The following MCC variants were observed in gnomAD, a reference collection of about 807,000 sequenced individuals.
MCC encodes MCC regulator of Wnt signaling pathway, also known as colorectal mutant cancer protein.
Under a neutral mutation model 116.2 loss-of-function variants are expected in MCC, and 90 were observed. The observed-to-expected ratio is 0.77, with a 90% CI of 0.65 to 0.92. The LOEUF is 0.92. Ranked by LOEUF, MCC falls within the 40% of genes least tolerant of loss-of-function variation. The pLI, the probability that MCC is intolerant of heterozygous loss-of-function variation, is 0.00. For synonymous variants in MCC, 578 were observed against 510.5 expected (o/e 1.13, Z -1.78); for missense variants, 1,516 against 1,312.2 (o/e 1.16, Z -2.40).
At chr5:113,295,723 A>C (rs1766692009) in intron 3 of MCC, among the ~76,000 whole-genome samples, 1 of 152,200 alleles carries the variant, frequency 6.6e-6, no homozygotes, top group Non-Finnish European at 1.5e-5. Flanking sequence ...GAGAGAGATG[A>C]GATGGGGGAA....
intron 1 of MCC, among the ~76,000 whole-genome samples, chr5:113,413,926 T>A (rs1770066670): frequency 6.6e-6 from 1 of 152,226 alleles, no homozygotes; most frequent in African/African-American, 2.4e-5. Flanking sequence ...TAAATTTCCC[T>A]CTACACACTG....
chr5:113,237,548 T>C (rs1764179032), intron 3 of MCC, among the ~76,000 whole-genome samples: 1 of 152,188 alleles, frequency 6.6e-6, no homozygotes, highest in Non-Finnish European at 1.5e-5. Flanking sequence ...ATCTTATTTC[T>C]GCCAAGAAGG....
At chr5:113,125,349 T>G (rs1020850411) in intron 5 of MCC, among the ~76,000 whole-genome samples, 2 of 152,112 alleles carry the variant, frequency 1.3e-5, no homozygotes, top group African/African-American at 4.8e-5. Flanking sequence ...AAACGACACA[T>G]GGCAACAAAG....
At chr5:113,172,961 C>T (rs1242807429) in intron 3 of MCC, among the ~76,000 whole-genome samples, 2 of 152,024 alleles carry the variant, frequency 1.3e-5, no homozygotes, top group Non-Finnish European at 2.9e-5. Context: ...ATCTACTGGA[C>T]ACATGAATTT....
chr5:113,463,254 A>C (rs978437842), intron 1 of MCC, among the ~76,000 whole-genome samples: 5 of 152,172 alleles, frequency 3.3e-5, no homozygotes, highest in African/African-American at 1.2e-4. Flanking sequence ...ATTATGACTC[A>C]CTTGAAGGGT....
chr5:113,475,083 T>A (rs1772202886), intron 1 of MCC, among the ~76,000 whole-genome samples: 1 of 152,220 alleles, frequency 6.6e-6, no homozygotes, highest in South Asian at 2.1e-4. Context: ...TCTCACTTCC[T>A]TCATTTATAC....
At chr5:113,132,592 T>C (rs1758530221) in intron 5 of MCC, among the ~76,000 whole-genome samples, 1 of 152,120 alleles carries the variant, frequency 6.6e-6, no homozygotes, top group Non-Finnish European at 1.5e-5. Flanking sequence ...ATCCATATTT[T>C]ATTTGTTTGG....
At position 113,358,601 on chromosome 5, in the gene MCC, C is replaced by T; in HGVS notation, c.416-17871G>A. On this transcript the variant is annotated intron_variant, in intron 2 of 18. Transcript: ENST00000408903. ...ATGTGGGTTCTTTAGAGTACATTGCCTAATTTATTACCCTCCATGTCAAGA... is the reference window on the plus strand; with the variant it reads ...ATGTGGGTTCTTTAGAGTACATTGCTTAATTTATTACCCTCCATGTCAAGA... 1.3e-5 allele frequency among the ~76,000 whole-genome samples: 2 copies of T among 152,114 alleles called. 1 individual carries two copies. Among genetic ancestry groups the T allele is most frequent in the South Asian group, 4.1e-4 (2 of 4,830 alleles).
chr5:113,295,132 T>G (rs1581379691), intron 3 of MCC, among the ~76,000 whole-genome samples: 2 of 137,572 alleles, frequency 1.5e-5, no homozygotes, highest in African/African-American at 2.8e-5. Flanking sequence ...GGAGGGGGAG[T>G]AGAAACAGGA....
chr5:113,321,945 C>A (rs1767431932), intron 3 of MCC, among the ~76,000 whole-genome samples: 1 of 152,192 alleles, frequency 6.6e-6, no homozygotes, highest in South Asian at 2.1e-4. Context: ...AATTCTCCTG[C>A]CTCAGCCTCC....
chr5:113,081,744 C>T (rs1315868520), intron 11 of MCC, among the ~76,000 whole-genome samples: 1 of 147,704 alleles, frequency 6.8e-6, no homozygotes, highest in African/African-American at 2.5e-5. Flanking sequence ...AATAAGGAAA[C>T]CATTTAATTT....
rs563009213 is a variant in MCC, at chr5:113,259,386, C to T, written c.627+81133G>A. On this transcript the variant is annotated intron_variant, in intron 3 of 18. Coordinates refer to ENST00000408903, the MANE Select transcript of MCC (RefSeq NM_001085377.2). The stretch of plus-strand genomic sequence containing the variant: ...AGATAATCCCTCAAAGTCATTCAGC[C>T]CTAAATTCTAATCCCATAAATCTGC... Among the ~76,000 whole-genome samples, 5 of 152,166 alleles carry T rather than the reference C, an allele frequency of 3.3e-5. No homozygotes were observed. The South Asian group carries it at 1.0e-3, about 32-fold the overall frequency.
Position 113,064,174 on chromosome 5 carries a change from G to T in MCC, c.2030-7C>A, listed in dbSNP as rs763276340. On this transcript the variant is annotated splice_region_variant and splice_polypyrimidine_tract_variant and intron_variant, in intron 13 of 18. Transcript: ENST00000408903. ...TCATCCCCCGACTGGTCTCCTATGT[G>T]GCAGAGAAGCCAACGGATTAATCAA... 1 of 1,603,766 alleles carries T rather than the reference G, an allele frequency of 6.2e-7. No homozygotes were observed. Among genetic ancestry groups the T allele is most frequent in the Admixed American group, 1.7e-5 (1 of 59,282 alleles).
chr5:113,405,589 G>A (rs1348282851), intron 1 of MCC, among the ~76,000 whole-genome samples: 2 of 152,046 alleles, frequency 1.3e-5, no homozygotes, highest in Non-Finnish European at 2.9e-5. Context: ...AGGAGTTCAA[G>A]ACTAGCCTGG....
At chr5:113,386,814 T>TACACATATACAC (rs1554080440) in intron 1 of MCC, among the ~76,000 whole-genome samples, 12 of 149,714 alleles carry the variant, frequency 8.0e-5, no homozygotes, top group African/African-American at 3.0e-4. Flanking sequence ...CATATACACA[T>TACACATATACAC]ACACATATAT....
intron 1 of MCC, among the ~76,000 whole-genome samples, chr5:113,456,475 G>T (rs920901670): frequency 9.3e-5 from 14 of 150,484 alleles, no homozygotes; most frequent in African/African-American, 3.4e-4. Context: ...CTTTTTTTTT[G>T]AGACAGAGCC....
chr5:113,145,297 A>G (rs1318481389), intron 4 of MCC, among the ~76,000 whole-genome samples: 1 of 152,150 alleles, frequency 6.6e-6, no homozygotes, highest in African/African-American at 2.4e-5. Flanking sequence ...TGACTGTAGG[A>G]TAAAATTCTG....
intron 3 of MCC, among the ~76,000 whole-genome samples, chr5:113,324,094 G>A (rs893995911): frequency 1.8e-4 from 28 of 152,114 alleles, no homozygotes; most frequent in Non-Finnish European, 1.5e-5. Flanking sequence ...TGGCCTCTGC[G>A]GTGTTGCAAG....
chr5:113,209,695 T>C (rs1763050058), intron 3 of MCC, among the ~76,000 whole-genome samples: 1 of 152,182 alleles, frequency 6.6e-6, no homozygotes, highest in Non-Finnish European at 1.5e-5. Flanking sequence ...TTTTCAAACA[T>C]TAGACTGCAG....
Sources: gnomAD v4.1 joint callset for allele counts (sites outside exome capture counted in the v4.1 genomes callset) on GRCh38, gnomAD v4.1.1 for gene constraint, MANE v1.5 for transcripts, NCBI Gene and HGNC (gene_info 2026-07-23, HGNC 2026-07-21) for gene names.